The following APBB2 variants were observed in gnomAD, a reference collection of about 807,000 sequenced individuals.
APBB2 encodes the protein Fe65-like 1.
In APBB2, 38 loss-of-function variants were observed where a neutral mutation model predicts 82.5. The observed-to-expected ratio is 0.46, with a 90% CI of 0.36 to 0.60. The LOEUF is 0.60. APBB2 is among the 20% of genes least tolerant of loss of function. The pLI is 0.00. For missense variants in APBB2, 772 were observed against 972.3 expected, an observed-to-expected ratio of 0.79 and a Z score of 2.74; for synonymous variants, 341 against 368.2, an observed-to-expected ratio of 0.93 and a Z score of 0.85.
chr4:41,184,698 T>C (rs144586638), intron 1 of APBB2, among the ~76,000 whole-genome samples: 2 of 152,310 alleles, frequency 1.3e-5, no homozygotes, highest in African/African-American at 4.8e-5. Flanking sequence ...GCTGAGCAAA[T>C]GCAGGTAAAC....
chr4:40,901,004 G>A (rs1463020954), intron 10 of APBB2, among the ~76,000 whole-genome samples: 1 of 152,156 alleles, frequency 6.6e-6, no homozygotes, highest in Non-Finnish European at 1.5e-5. Flanking sequence ...ACACAGCTCT[G>A]TGGACATGGA....
rs185211835 is a variant in APBB2, at chr4:41,149,612, G to T, written c.-416-6470C>A. On this transcript the variant is annotated intron_variant, in intron 1 of 17. Coordinates refer to ENST00000508593, the MANE Select transcript of APBB2 (RefSeq NM_004307.2). ...ACTGCATAAAAAGAATGAATATCTG[G>T]GTAAAAGTGACCAAGATGTTACTCA... 1.1e-4 allele frequency among the ~76,000 whole-genome samples: 17 copies of T among 152,228 alleles called. No homozygotes were observed. In the East Asian group the frequency reaches 3.3e-3, roughly 29 times the overall value.
intron 10 of APBB2, among the ~76,000 whole-genome samples, chr4:40,897,957 C>T (rs149603575): frequency 6.6e-6 from 1 of 152,172 alleles, no homozygotes; most frequent in East Asian, 1.9e-4. Flanking sequence ...AAAAAATCAA[C>T]ATATACACTT....
At chr4:41,091,873 A>T (rs755006085) in intron 3 of APBB2, among the ~76,000 whole-genome samples, 1 of 152,232 alleles carries the variant, frequency 6.6e-6, no homozygotes, top group African/African-American at 2.4e-5. Flanking sequence ...ACAGCAAGGT[A>T]AGTAACCTTG....
At chr4:40,831,163 C>T (rs1416161861) in intron 12 of APBB2, among the ~76,000 whole-genome samples, 1 of 151,948 alleles carries the variant, frequency 6.6e-6, no homozygotes, top group Non-Finnish European at 1.5e-5. Flanking sequence ...ACTGGGAGGC[C>T]GAGGTGGGCG....
At chr4:40,974,723 G>A (rs928209851) in intron 6 of APBB2, among the ~76,000 whole-genome samples, 5 of 152,088 alleles carry the variant, frequency 3.3e-5, no homozygotes, top group Admixed American at 1.3e-4. Context: ...TCTACTGAAC[G>A]ACTCACTACT....
intron 6 of APBB2, among the ~76,000 whole-genome samples, chr4:40,980,544 G>A (rs1798215697): frequency 6.6e-6 from 1 of 151,148 alleles, no homozygotes. Flanking sequence ...CAGAGCCAAT[G>A]AGTGTCCAAC....
intron 6 of APBB2, among the ~76,000 whole-genome samples, chr4:40,969,967 G>A (rs949261034): frequency 1.3e-5 from 2 of 152,206 alleles, no homozygotes; most frequent in East Asian, 3.8e-4. Context: ...TAACAGCCCT[G>A]TAATTAGTCA....
rs1045790730 is a variant in APBB2, at chr4:40,812,091, A to G, written c.*4001T>C. ...GCCAGCTGGCCTTCCTGATCACCAA[A>G]TAAGTACAGGGTGATTACTCAAAAT... is the stretch of plus-strand genomic sequence containing the variant. On this transcript the variant is annotated 3_prime_UTR_variant, in exon 18 of 18. Transcript: ENST00000508593. The G allele has an allele frequency of 1.3e-5, 2 of 152,216 alleles. No individual in the cohort carries two copies. The highest frequency in any genetic ancestry group is 2.1e-4 in the South Asian group (1 of 4,836). The allele number at this position is 152,216 out of a possible 1,614,324, so 9.4% of individuals were successfully genotyped here.
Position 41,113,733 on chromosome 4 carries a change from G to A in APBB2, c.-260-12983C>T, listed in dbSNP as rs549476811. On this transcript the variant is annotated intron_variant, in intron 2 of 17. Coordinates refer to ENST00000508593, the MANE Select transcript of APBB2 (RefSeq NM_004307.2). ...TTTTGTTTGGTATGATAATGGTGGTGTACTTTTATTATGAAGCTTCCTTAT... is the reference window on the plus strand; with the variant it reads ...TTTTGTTTGGTATGATAATGGTGGTATACTTTTATTATGAAGCTTCCTTAT... Among the ~76,000 whole-genome samples the A allele has an allele frequency of 6.6e-5, 10 of 152,260 alleles. No homozygotes were observed. The East Asian group carries it at 1.7e-3, about 26-fold the overall frequency.
intron 12 of APBB2, among the ~76,000 whole-genome samples, chr4:40,889,337 C>T (rs187270869): frequency 2.0e-5 from 3 of 152,214 alleles, no homozygotes. Context: ...TAATGCCCAG[C>T]GTTGGTTGAC....
intron 6 of APBB2, among the ~76,000 whole-genome samples, chr4:40,969,020 T>C (rs2154397303): frequency 6.6e-6 from 1 of 152,332 alleles, no homozygotes; most frequent in Non-Finnish European, 1.5e-5. Context: ...TTGCCTGCTG[T>C]CATGTAAGAC....
intron 6 of APBB2, among the ~76,000 whole-genome samples, chr4:40,993,369 T>G (rs1354662318): frequency 6.7e-6 from 1 of 150,300 alleles, no homozygotes; most frequent in East Asian, 1.9e-4. Context: ...CTCTTTTTTT[T>G]TTTTTTTTTT....
At chr4:41,003,143 C>G (rs1470096299) in intron 6 of APBB2, among the ~76,000 whole-genome samples, 1 of 152,042 alleles carries the variant, frequency 6.6e-6, no homozygotes, top group Non-Finnish European at 1.5e-5. Flanking sequence ...GTTTTTCTAC[C>G]ATTTCCACAC....
chr4:41,060,718 C>T (rs1427156117), intron 4 of APBB2, among the ~76,000 whole-genome samples: 1 of 152,104 alleles, frequency 6.6e-6, no homozygotes, highest in Non-Finnish European at 1.5e-5. Context: ...CAGGAAAACT[C>T]CCTGGGAAAG....
At chr4:40,874,666 A>C (rs2154342373) in intron 12 of APBB2, among the ~76,000 whole-genome samples, 1 of 152,304 alleles carries the variant, frequency 6.6e-6, no homozygotes, top group South Asian at 2.1e-4. Context: ...TTCGCCGTTA[A>C]TGAAGCCAAT....
intron 3 of APBB2, among the ~76,000 whole-genome samples, chr4:41,076,096 T>C (rs556072868): frequency 6.6e-6 from 1 of 152,272 alleles, no homozygotes; most frequent in South Asian, 2.1e-4. Context: ...GAGGACAAAA[T>C]TCATGGAAAA....
chr4:41,049,181 A>G (rs1375598190), intron 4 of APBB2, among the ~76,000 whole-genome samples: 3 of 136,624 alleles, frequency 2.2e-5, no homozygotes, highest in East Asian at 2.2e-4. Flanking sequence ...AGATGTGGGG[A>G]GCGCCTCTGC....
At chr4:41,052,298 C>G (rs1358248836) in intron 4 of APBB2, among the ~76,000 whole-genome samples, 3 of 152,076 alleles carry the variant, frequency 2.0e-5, no homozygotes, top group Non-Finnish European at 4.4e-5. Flanking sequence ...ATATTCTGTC[C>G]CAAATGGGTC....
Sources: gnomAD v4.1 joint callset for allele counts (sites outside exome capture counted in the v4.1 genomes callset) on GRCh38, gnomAD v4.1.1 for gene constraint, MANE v1.5 for transcripts, NCBI Gene and HGNC (gene_info 2026-07-23, HGNC 2026-07-21) for gene names.